Variants in PLD1 observed in about 807,000 individuals in gnomAD.
The protein encoded by PLD1 is phospholipase D1, also known as choline phosphatase 1.
In PLD1, 112 loss-of-function variants were observed where a neutral mutation model predicts 137.1. The ratio of observed to expected loss-of-function variants is 0.82; its 90% confidence interval spans 0.70 to 0.96. PLD1 has a LOEUF of 0.96. Ranked by LOEUF, PLD1 falls within the 40% of genes least tolerant of loss-of-function variation. PLD1 has a pLI of 0.00. For missense variants in PLD1, 1,321 were observed against 1,342.0 expected (o/e 0.98, Z 0.24); for synonymous variants, 431 against 454.7 (o/e 0.95, Z 0.66).
At chr3:171,620,671 G>T in intron 23 of PLD1, 151 bp from the exon 24 acceptor site, 1 of 350,270 alleles carries the variant, frequency 2.9e-6, no homozygotes, top group African/African-American at 2.2e-5. Context: ...AATTCATCCA[G>T]GATTTATTTT....
At position 171,709,317 on chromosome 3, in the gene PLD1, A is replaced by G. The variant is rs150190513; in HGVS notation, c.1061+243T>C. 1.2e-3 allele frequency among the ~76,000 whole-genome samples: 187 copies of G among 152,372 alleles called. 1 individual carries two copies. The highest frequency in any genetic ancestry group is 2.0e-3 in the Non-Finnish European group (135 of 68,032). On this transcript the variant is annotated intron_variant, in intron 10 of 26. Coordinates refer to ENST00000351298, the MANE Select transcript of PLD1 (RefSeq NM_002662.5). ...CATCATTAAAGAAATGTATGAAGTTAGCTTTAAAATTCAAACTTCAAAATC... is the reference window on the plus strand; with the variant it reads ...CATCATTAAAGAAATGTATGAAGTTGGCTTTAAAATTCAAACTTCAAAATC...
At chr3:171,696,977 A>C (rs983825493) in intron 12 of PLD1, among the ~76,000 whole-genome samples, 6 of 152,226 alleles carry the variant, frequency 3.9e-5, no homozygotes, top group African/African-American at 1.4e-4. Context: ...AGGGCCAAAA[A>C]AGTAAAGAGA....
intron 1 of PLD1, among the ~76,000 whole-genome samples, chr3:171,749,247 GT>G (rs1367590879): frequency 6.6e-5 from 10 of 152,130 alleles, no homozygotes; most frequent in Non-Finnish European, 1.5e-4. Flanking sequence ...GGCCCAAAGG[GT>G]TCTGGATCTC....
At chr3:171,634,154 C>T (rs1420303416) in intron 23 of PLD1, among the ~76,000 whole-genome samples, 1 of 152,114 alleles carries the variant, frequency 6.6e-6, no homozygotes, top group Non-Finnish European at 1.5e-5. Context: ...CACTGAGATG[C>T]CTTATTTTGA....
intron 13 of PLD1, 116 bp downstream of exon 13, chr3:171,692,216 T>C (rs1468527075): frequency 3.4e-6 from 2 of 585,538 alleles, no homozygotes; most frequent in East Asian, 2.9e-5. Flanking sequence ...ACAATGCTAT[T>C]TGATCAAATA....
chr3:171,741,354 T>C (rs1719758348), intron 1 of PLD1, among the ~76,000 whole-genome samples: 1 of 152,246 alleles, frequency 6.6e-6, no homozygotes, highest in African/African-American at 2.4e-5. Context: ...AACCATTGTA[T>C]TGTTGGTTTC....
chr3:171,618,636 C>G (rs1318893693), intron 24 of PLD1, among the ~76,000 whole-genome samples: 1 of 152,018 alleles, frequency 6.6e-6, no homozygotes, highest in Admixed American at 6.6e-5. Flanking sequence ...AATAAATAAA[C>G]TCCTAAAGAG....
At chr3:171,729,628 G>C (rs905055164) in intron 6 of PLD1, among the ~76,000 whole-genome samples, 1 of 152,186 alleles carries the variant, frequency 6.6e-6, no homozygotes, top group Non-Finnish European at 1.5e-5. Flanking sequence ...GGTACTCCAG[G>C]AAAGGCAGGG....
rs192317435 is a variant in PLD1, at chr3:171,759,908, G to A, written c.-31-21826C>T. On this transcript the variant is annotated intron_variant, in intron 1 of 26. Coordinates refer to ENST00000351298, the MANE Select transcript of PLD1 (RefSeq NM_002662.5). ...AACAGAACAGTCTTACTGTCCTTTC[G>A]GTTATTGTCATTTCTCTTGCTTCCC... Among the ~76,000 whole-genome samples the A allele has an allele frequency of 9.9e-4, 150 of 152,184 alleles. 1 individual carries two copies. Among genetic ancestry groups the A allele is most frequent in the Admixed American group, 7.1e-3 (109 of 15,284 alleles).
Position 171,674,566 on chromosome 3 carries a change from T to C in PLD1, c.2163A>G (p.Pro721=), listed in dbSNP as rs1417554066. Residue 721 remains proline (P), a synonymous_variant, in exon 19 of 27, where the codon CCA becomes CCG. Transcript: ENST00000351298. ...ACTCATGGGCTGTTGTTTGAGACTT[T>C]GGAAGCAGAAAAGGATAAGAAAGGG... ...YRSLSYPFLL[P]KSQTTAHELR... is the part of the protein sequence containing the mutation. 1.2e-6 allele frequency: 2 copies of C among 1,611,290 alleles called. No homozygotes were observed. The highest frequency in any genetic ancestry group is 1.7e-6 in the Non-Finnish European group (2 of 1,177,554).
Position 171,674,501 on chromosome 3 carries a change from T to G in PLD1, c.2228A>C (p.Gln743Pro). Residue 743 changes from glutamine to proline, a missense_variant and splice_region_variant, in exon 19 of 27, where the codon CAG (glutamine) becomes CCG (proline). Gln to Pro is a moderately conservative substitution (Grantham distance 76, BLOSUM62 -1). Transcript: ENST00000351298. ...QVPGSVHANV[Q>P]LLRSAADWSA... ...AAAGAAAAGCCAGAACTTACTTACC[T>G]GTACGTTAGCATGGACAGACCCAGG... 6.6e-7 allele frequency: 1 copy of G among 1,520,322 alleles called. No individual in the cohort carries two copies. The highest frequency in any genetic ancestry group is 2.3e-5 in the East Asian group (1 of 44,230). The allele number at this position is 1,520,322 out of a possible 1,614,324, so 94.2% of individuals were successfully genotyped here. A position where few individuals can be genotyped will look rare whatever the true frequency, so the allele number is the denominator to read the frequency against.
chr3:171,775,927 C>T (rs1293942599), intron 1 of PLD1, among the ~76,000 whole-genome samples: 1 of 152,044 alleles, frequency 6.6e-6, no homozygotes, highest in Non-Finnish European at 1.5e-5. Flanking sequence ...AAAAATAGCT[C>T]TGCGAAAAGG....
Position 171,733,436 on chromosome 3 carries a change from G to C in PLD1, c.606+8C>G, listed in dbSNP as rs1246918934. The stretch of plus-strand genomic sequence containing the variant: ...TACTCCAAACTTAAATCACTGACTA[G>C]TACTTACTGTGGCATGATAGTTTCT... On this transcript the variant is annotated splice_region_variant and intron_variant, in intron 6 of 26. Transcript: ENST00000351298. 1 of 1,103,276 alleles carries C rather than the reference G, an allele frequency of 9.1e-7. No homozygotes were observed. Among genetic ancestry groups the C allele is most frequent in the Admixed American group, 1.9e-5 (1 of 54,038 alleles). The allele number at this position is 1,103,276 out of a possible 1,614,324, so 68.3% of individuals were successfully genotyped here.
chr3:171,619,332 T>A lies in PLD1; in HGVS notation c.2728+1054A>T, dbSNP rs372351837. On this transcript the variant is annotated intron_variant, in intron 24 of 26. Coordinates refer to ENST00000351298, the MANE Select transcript of PLD1 (RefSeq NM_002662.5). ...GTATATAAAAGAATGAAGCTGAACA[T>A]CTACCTCTCTTGTCAAGCTAATCTA... 7.2e-5 allele frequency among the ~76,000 whole-genome samples: 11 copies of A among 152,296 alleles called. No homozygotes were observed. The South Asian group carries it at 8.3e-4, about 11-fold the overall frequency.
At chr3:171,629,904 A>G (rs1399486415) in intron 23 of PLD1, among the ~76,000 whole-genome samples, 1 of 151,774 alleles carries the variant, frequency 6.6e-6, no homozygotes, top group East Asian at 1.9e-4. Context: ...TAAAACCATA[A>G]AAACCCTAGA....
At chr3:171,785,804 C>T (rs1722991348) in intron 1 of PLD1, among the ~76,000 whole-genome samples, 1 of 152,194 alleles carries the variant, frequency 6.6e-6, no homozygotes, top group South Asian at 2.1e-4. Flanking sequence ...TCTCAAATAA[C>T]CACGTGTGGC....
At chr3:171,648,359 C>G (rs547518910) in intron 21 of PLD1, among the ~76,000 whole-genome samples, 2 of 152,288 alleles carry the variant, frequency 1.3e-5, no homozygotes, top group South Asian at 4.1e-4. Context: ...AAAAAAATCT[C>G]TCTCACTCCT....
intron 1 of PLD1, among the ~76,000 whole-genome samples, chr3:171,771,778 A>G (rs1243189419): frequency 6.6e-6 from 1 of 152,256 alleles, no homozygotes. Context: ...TCAAATGTAG[A>G]TAGTATTACT....
chr3:171,661,365 T>C (rs1711509886), intron 20 of PLD1, among the ~76,000 whole-genome samples: 1 of 152,196 alleles, frequency 6.6e-6, no homozygotes, highest in Admixed American at 6.5e-5. Flanking sequence ...AAGGAAATTA[T>C]GCTATGATTT....
Sources: gnomAD v4.1 joint callset for allele counts (sites outside exome capture counted in the v4.1 genomes callset) on GRCh38, gnomAD v4.1.1 for gene constraint, MANE v1.5 for transcripts, NCBI Gene and HGNC (gene_info 2026-07-23, HGNC 2026-07-21) for gene names.